Variants in SLIT3 observed in about 807,000 individuals in gnomAD.
The protein encoded by SLIT3 is slit homolog 3 protein.
In SLIT3, 68 loss-of-function variants were observed where a neutral mutation model predicts 184.0. The observed-to-expected ratio is 0.37, with a 90% confidence interval of 0.30 to 0.45. The LOEUF (loss-of-function observed/expected upper bound fraction) is 0.45. SLIT3 is among the 20% of genes least tolerant of loss of function. The pLI is 1.00. For synonymous variants in SLIT3, 831 were observed against 828.6 expected, an observed-to-expected ratio of 1.00 and a Z score of -0.05; for missense variants, 1,707 against 2,026.0, an observed-to-expected ratio of 0.84 and a Z score of 3.02.
chr5:168,937,405 G>A (rs1762192484), intron 4 of SLIT3, among the ~76,000 whole-genome samples: 1 of 152,208 alleles, frequency 6.6e-6, no homozygotes, highest in Non-Finnish European at 1.5e-5. Flanking sequence ...GACTGAGTGA[G>A]TGAGGAGAGA....
chr5:168,735,379 T>C (rs1260928242), intron 20 of SLIT3, among the ~76,000 whole-genome samples: 1 of 152,094 alleles, frequency 6.6e-6, no homozygotes, highest in Non-Finnish European at 1.5e-5. Flanking sequence ...GGCCAGAATT[T>C]CCACTAGAGT....
intron 4 of SLIT3, among the ~76,000 whole-genome samples, chr5:168,886,980 T>C (rs1760243890): frequency 6.6e-6 from 1 of 152,288 alleles, no homozygotes; most frequent in South Asian, 2.1e-4. Flanking sequence ...ACCTTTTTAA[T>C]TTACTAAAAT....
intron 26 of SLIT3, among the ~76,000 whole-genome samples, chr5:168,703,697 T>C (rs1762287903): frequency 6.6e-6 from 1 of 152,024 alleles, no homozygotes; most frequent in African/African-American, 2.4e-5. Flanking sequence ...CTCACGCCTA[T>C]AATCCCAGCA....
At chr5:169,133,919 T>C (rs1251174865) in intron 4 of SLIT3, among the ~76,000 whole-genome samples, 1 of 152,232 alleles carries the variant, frequency 6.6e-6, no homozygotes, top group Non-Finnish European at 1.5e-5. Context: ...GAGTCTTGTG[T>C]ATATGCCAAA....
rs116472192 is a variant in SLIT3, at chr5:168,962,676, C to T, written c.414-79340G>A. ...CCCCAGGGCAGCCTGAGCTGGCGCTCTTATGACCAGACTCTGGGGTAGACC... is the reference window on the plus strand; with the variant it reads ...CCCCAGGGCAGCCTGAGCTGGCGCTTTTATGACCAGACTCTGGGGTAGACC... On this transcript the variant is annotated intron_variant, in intron 4 of 35. Transcript: ENST00000519560. Among the ~76,000 whole-genome samples the T allele has an allele frequency of 5.7e-3, 865 of 152,346 alleles. 7 individuals carry two copies. The highest frequency in any genetic ancestry group is 0.02 in the African/African-American group (824 of 41,578).
At chr5:169,060,510 C>A (rs984480179) in intron 4 of SLIT3, among the ~76,000 whole-genome samples, 1 of 152,196 alleles carries the variant, frequency 6.6e-6, no homozygotes, top group Non-Finnish European at 1.5e-5. Flanking sequence ...ACTCAGGTAA[C>A]CTGCACAGCA....
intron 4 of SLIT3, among the ~76,000 whole-genome samples, chr5:168,902,927 A>G (rs1760920444): frequency 6.6e-6 from 1 of 152,170 alleles, no homozygotes; most frequent in Non-Finnish European, 1.5e-5. Flanking sequence ...GCGGCTGATT[A>G]GGAGGACAGG....
intron 4 of SLIT3, among the ~76,000 whole-genome samples, chr5:168,978,330 C>T (rs771808894): frequency 6.6e-6 from 1 of 152,232 alleles, no homozygotes; most frequent in Non-Finnish European, 1.5e-5. Flanking sequence ...TTGTGACTCA[C>T]AGCTCTCTAC....
intron 4 of SLIT3, among the ~76,000 whole-genome samples, chr5:169,078,347 A>G (rs1326753696): frequency 6.6e-6 from 1 of 152,082 alleles, no homozygotes; most frequent in Admixed American, 6.5e-5. Context: ...TACCTAAGGC[A>G]TGTCAGGAAC....
chr5:168,844,584 AG>A lies in SLIT3; in HGVS notation c.556del (p.Thr187ProfsTer62). The A allele has an allele frequency of 6.2e-7, 1 of 1,614,078 alleles. No homozygotes were observed. The highest frequency in any genetic ancestry group is 8.5e-7 in the Non-Finnish European group (1 of 1,179,964). ...AFRALRDLEILTLNNNNISRI... is the reference protein window; with the variant it reads ...AFRALRDLEIXTLNNNNISRI... ...GGCAGCGATCGCAAAATCAACTCAC[AG>A]GATCTCCAAATCGCGCAGCGCTCGG... On this transcript the variant is annotated frameshift_variant and splice_region_variant, in exon 6 of 36. Coordinates refer to ENST00000519560, the MANE Select transcript of SLIT3 (RefSeq NM_003062.4). LOFTEE classifies it high-confidence loss of function.
intron 35 of SLIT3, 109 bp downstream of exon 35, chr5:168,669,674 G>A (rs974818984): frequency 3.2e-5 from 27 of 843,942 alleles, no homozygotes; most frequent in Non-Finnish European, 5.0e-5. Flanking sequence ...ACTGAACCAA[G>A]GTCATGCAGC....
At chr5:168,872,250 G>A (rs141387510) in intron 5 of SLIT3, among the ~76,000 whole-genome samples, 1 of 152,318 alleles carries the variant, frequency 6.6e-6, no homozygotes. Flanking sequence ...GGAATGGAAG[G>A]AAGGATGAAT....
intron 4 of SLIT3, among the ~76,000 whole-genome samples, chr5:169,066,673 C>T (rs757677052): frequency 1.8e-4 from 27 of 152,072 alleles, no homozygotes; most frequent in African/African-American, 4.6e-4. Flanking sequence ...TCCCTTTGAC[C>T]GGCATGTAAA....
intron 4 of SLIT3, among the ~76,000 whole-genome samples, chr5:168,928,035 T>C (rs1411146364): frequency 1.3e-5 from 2 of 152,242 alleles, no homozygotes; most frequent in African/African-American, 2.4e-5. Flanking sequence ...GATGTAGCTA[T>C]TCCTCACATC....
intron 5 of SLIT3, among the ~76,000 whole-genome samples, chr5:168,863,752 T>C (rs1759196503): frequency 6.6e-6 from 1 of 152,168 alleles, no homozygotes; most frequent in South Asian, 2.1e-4. Context: ...TAAAATTGTT[T>C]TATGTTACAC....
Position 168,762,826 on chromosome 5 carries a change from C to T in SLIT3, c.1460-137G>A, listed in dbSNP as rs115506150. ...AGGGGTCAAGTAACAGACACGGCAT[C>T]GCCTTTGCTATATGGCCACCTTGCT... is the stretch of plus-strand genomic sequence containing the variant. On this transcript the variant is annotated intron_variant, in intron 14 of 35. Transcript: ENST00000519560. The T allele has an allele frequency of 2.2e-3, 1,752 of 806,188 alleles. 20 individuals are homozygous for T. Among genetic ancestry groups the T allele is most frequent in the African/African-American group, 0.021 (1,262 of 59,558 alleles). The allele number at this position is 806,188 out of a possible 1,614,324, so 49.9% of individuals were successfully genotyped here.
At chr5:168,716,940 C>T (rs1203832511) in intron 23 of SLIT3, among the ~76,000 whole-genome samples, 3 of 145,522 alleles carry the variant, frequency 2.1e-5, no homozygotes, top group Admixed American at 1.4e-4. Context: ...GCATCTCTTC[C>T]CACTCCTGCC....
chr5:168,922,817 T>C (rs1025131098), intron 4 of SLIT3, among the ~76,000 whole-genome samples: 2 of 152,178 alleles, frequency 1.3e-5, no homozygotes, highest in African/African-American at 2.4e-5. Flanking sequence ...AGGGCTCAGC[T>C]AGGGCCAGGT....
chr5:169,300,500 C>T lies in SLIT3; in HGVS notation c.197+13G>A. 1.3e-6 allele frequency: 2 copies of T among 1,484,974 alleles called. No individual in the cohort carries two copies. Among genetic ancestry groups the T allele is most frequent in the Middle Eastern group, 2.3e-4 (1 of 4,382 alleles). The allele number at this position is 1,484,974 out of a possible 1,614,324, so 92.0% of individuals were successfully genotyped here. On this transcript the variant is annotated intron_variant, in intron 1 of 35. Coordinates refer to ENST00000519560, the MANE Select transcript of SLIT3 (RefSeq NM_003062.4). The surrounding 1 kb of genome is among the most constrained non-coding windows in gnomAD (Gnocchi z 4.1). The stretch of plus-strand genomic sequence containing the variant: ...GGTGGGTGGCCCGCGTGGGGTGGGG[C>T]AGGGGTACTCACAGGCGCTCAGCGT...
Sources: allele counts gnomAD v4.1 joint callset (sites outside exome capture counted in the v4.1 genomes callset), GRCh38; gene constraint gnomAD v4.1.1; non-coding constraint Gnocchi (gnomAD v3.1); transcripts MANE v1.5; gene names NCBI Gene and HGNC (gene_info 2026-07-23, HGNC 2026-07-21).